Variants in NAALADL2 observed in about 807,000 individuals in gnomAD.
The protein encoded by NAALADL2 is inactive N-acetylated-alpha-linked acidic dipeptidase-like protein 2.
In NAALADL2, 76 loss-of-function variants were observed where a neutral mutation model predicts 87.2. The ratio of observed to expected loss-of-function variants is 0.87; its 90% CI spans 0.72 to 1.05. NAALADL2 has a LOEUF of 1.05. Ranked by LOEUF, NAALADL2 falls within the 50% of genes least tolerant of loss-of-function variation. The probability of loss-of-function intolerance (pLI) is 0.00; values close to 1 mark genes in which losing one functional copy is unlikely to be tolerated. For missense variants in NAALADL2, 1,089 were observed against 945.8 expected, an observed-to-expected ratio of 1.15 and a Z score of -1.99; for synonymous variants, 354 against 331.0, an observed-to-expected ratio of 1.07 and a Z score of -0.75.
At chr3:174,831,185 C>G (rs938270186) in intron 3 of NAALADL2, among the ~76,000 whole-genome samples, 2 of 151,852 alleles carry the variant, frequency 1.3e-5, no homozygotes, top group East Asian at 1.9e-4. Context: ...TGTCTTGTGC[C>G]AGTTTTCAAA....
chr3:175,787,667 G>T (rs868068641), intron 13 of NAALADL2, among the ~76,000 whole-genome samples: 2 of 152,086 alleles, frequency 1.3e-5, no homozygotes, highest in African/African-American at 2.4e-5. Context: ...GAAATCACCC[G>T]TCTTCTGCGT....
chr3:175,158,003 A>G (rs1380312142), intron 2 of NAALADL2, among the ~76,000 whole-genome samples: 2 of 152,104 alleles, frequency 1.3e-5, no homozygotes, highest in Non-Finnish European at 2.9e-5. Flanking sequence ...AAAGACTTAT[A>G]TAACTTTTTA....
intron 1 of NAALADL2, among the ~76,000 whole-genome samples, chr3:174,510,646 G>A (rs1719540088): frequency 6.6e-6 from 1 of 151,752 alleles, no homozygotes; most frequent in Non-Finnish European, 1.5e-5. Context: ...TAAATAACCA[G>A]CTTTTGGTTT....
At chr3:175,151,289 G>C (rs1021544005) in intron 2 of NAALADL2, among the ~76,000 whole-genome samples, 1 of 152,126 alleles carries the variant, frequency 6.6e-6, no homozygotes. Flanking sequence ...GAGTTGTCAA[G>C]TTCTTATTCA....
chr3:174,834,210 A>G (rs1723061793), intron 3 of NAALADL2, among the ~76,000 whole-genome samples: 1 of 148,964 alleles, frequency 6.7e-6, no homozygotes, highest in Non-Finnish European at 1.5e-5. Context: ...GGACAACTAT[A>G]TAATTATCTA....
chr3:174,592,802 C>T (rs1717512178), intron 2 of NAALADL2, among the ~76,000 whole-genome samples: 1 of 151,888 alleles, frequency 6.6e-6, no homozygotes, highest in African/African-American at 2.4e-5. Context: ...CACATAGGAT[C>T]TATTATGACC....
At chr3:174,676,222 A>C (rs927015000) in intron 2 of NAALADL2, among the ~76,000 whole-genome samples, 2 of 152,062 alleles carry the variant, frequency 1.3e-5, no homozygotes, top group African/African-American at 4.8e-5. Flanking sequence ...GGCTAAATGA[A>C]ATCTTCGATG....
chr3:174,635,490 T>G (rs953925106), intron 2 of NAALADL2, among the ~76,000 whole-genome samples: 2 of 140,506 alleles, frequency 1.4e-5, no homozygotes, highest in African/African-American at 5.5e-5. Flanking sequence ...ACATTGTCGT[T>G]GTGGTGGTGG....
At chr3:175,180,720 AAATAT>A (rs1419980679) in intron 2 of NAALADL2, among the ~76,000 whole-genome samples, 1 of 151,004 alleles carries the variant, frequency 6.6e-6, no homozygotes, top group Admixed American at 6.6e-5. Context: ...TAGTTATTTT[AAATAT>A]AATGTATAAT....
upstream of NAALADL2, among the ~76,000 whole-genome samples, chr3:174,854,392 G>A (rs770020734): frequency 2.0e-4 from 31 of 152,128 alleles, no homozygotes; most frequent in Non-Finnish European, 4.6e-4. Flanking sequence ...AAACCTAGTA[G>A]AGAGAAAGGG....
intron 3 of NAALADL2, among the ~76,000 whole-genome samples, chr3:174,775,047 T>G (rs1300544895): frequency 6.6e-6 from 1 of 152,110 alleles, no homozygotes; most frequent in Non-Finnish European, 1.5e-5. Flanking sequence ...AGTGCCACTG[T>G]TATGAGTATA....
intron 9 of NAALADL2, among the ~76,000 whole-genome samples, chr3:175,523,051 A>C (rs1216530953): frequency 6.6e-6 from 1 of 152,224 alleles, no homozygotes; most frequent in Non-Finnish European, 1.5e-5. Flanking sequence ...TTTGGTCTAC[A>C]TATGGGATTT....
At chr3:174,634,289 C>G (rs1306407870) in intron 2 of NAALADL2, among the ~76,000 whole-genome samples, 4 of 152,026 alleles carry the variant, frequency 2.6e-5, no homozygotes, top group African/African-American at 9.7e-5. Flanking sequence ...TACTTGAAGG[C>G]TATATATTAA....
chr3:175,166,641 C>G (rs905838709), intron 2 of NAALADL2, among the ~76,000 whole-genome samples: 1 of 151,888 alleles, frequency 6.6e-6, no homozygotes, highest in East Asian at 1.9e-4. Context: ...ACTACTGGAA[C>G]CTAAAAGGCC....
intron 3 of NAALADL2, among the ~76,000 whole-genome samples, chr3:175,246,103 G>A (rs10936833): frequency 0.3 from 46,218 of 152,054 alleles, 8,241 homozygotes; most frequent in South Asian, 0.42. Context: ...AATTCTAACA[G>A]TCTTTGAATT....
chr3:174,933,906 G>T (rs144853043), intron 1 of NAALADL2, among the ~76,000 whole-genome samples: 1 of 152,170 alleles, frequency 6.6e-6, no homozygotes, highest in African/African-American at 2.4e-5. Flanking sequence ...TATAACCTTG[G>T]CCGTATACTT....
Position 174,680,777 on chromosome 3 carries a change from G to C in NAALADL2, c.-114-56864G>C, listed in dbSNP as rs1374321713. On this transcript the variant is annotated intron_variant, in intron 2 of 3. Coordinates refer to the NAALADL2 transcript ENST00000434257. ...AGAAAATAAGGAGAAGGAGGAGCAAGATGGCCAAATAGAAGCCTCCACTGA... is the reference window on the plus strand; with the variant it reads ...AGAAAATAAGGAGAAGGAGGAGCAACATGGCCAAATAGAAGCCTCCACTGA... Among the ~76,000 whole-genome samples, 3 of 152,300 alleles carry C rather than the reference G, an allele frequency of 2.0e-5. No homozygotes were observed. The South Asian group carries it at 6.2e-4, about 32-fold the overall frequency.
chr3:175,339,155 T>C (rs1163331391), intron 5 of NAALADL2, among the ~76,000 whole-genome samples: 1 of 152,208 alleles, frequency 6.6e-6, no homozygotes, highest in Non-Finnish European at 1.5e-5. Flanking sequence ...AGTTAAATCT[T>C]GGATTTAATA....
intron 5 of NAALADL2, among the ~76,000 whole-genome samples, chr3:175,334,152 G>A (rs1761725992): frequency 6.6e-6 from 1 of 152,124 alleles, no homozygotes; most frequent in Admixed American, 6.5e-5. Flanking sequence ...CGTAGAAAAA[G>A]ATATTTAGAA....
Sources: allele counts gnomAD v4.1 joint callset (sites outside exome capture counted in the v4.1 genomes callset), GRCh38; gene constraint gnomAD v4.1.1; transcripts MANE v1.5; gene names NCBI Gene and HGNC (gene_info 2026-07-23, HGNC 2026-07-21).